TPD52L1: variants seen among roughly 807,000 people sequenced by gnomAD.
The protein encoded by TPD52L1 is TPD52 like 1.
In TPD52L1, 18 loss-of-function variants were observed where a neutral mutation model predicts 28.7. The observed-to-expected ratio is 0.63, with a 90% CI of 0.43 to 0.93. TPD52L1 has a LOEUF of 0.93. Ranked by LOEUF, TPD52L1 falls within the 40% of genes least tolerant of loss-of-function variation. The pLI, the probability that TPD52L1 is intolerant of heterozygous loss-of-function variation, is 0.00. For missense variants in TPD52L1, 203 were observed against 254.8 expected, an observed-to-expected ratio of 0.80 and a Z score of 1.39; for synonymous variants, 75 against 88.8, an observed-to-expected ratio of 0.84 and a Z score of 0.88.
intron 1 of TPD52L1, among the ~76,000 whole-genome samples, chr6:125,179,220 A>G (rs1208653119): frequency 6.6e-6 from 1 of 152,232 alleles, no homozygotes; most frequent in Non-Finnish European, 1.5e-5. Context: ...GAGGATGGAG[A>G]ACTTCAAGAG....
intron 1 of TPD52L1, among the ~76,000 whole-genome samples, chr6:125,170,911 T>G (rs1791258747): frequency 6.6e-6 from 1 of 152,042 alleles, no homozygotes. Context: ...GACTCCAGAA[T>G]CCCCTTTCCA....
At chr6:125,162,486 G>T (rs2114743582) in intron 1 of TPD52L1, among the ~76,000 whole-genome samples, 1 of 152,226 alleles carries the variant, frequency 6.6e-6, no homozygotes, top group African/African-American at 2.4e-5. Flanking sequence ...AAATACTTCA[G>T]CAGATATTGA....
chr6:125,160,604 A>G (rs912405205), intron 1 of TPD52L1, among the ~76,000 whole-genome samples: 1 of 152,246 alleles, frequency 6.6e-6, no homozygotes, highest in Non-Finnish European at 1.5e-5. Context: ...CAGCTACATT[A>G]GCCCCTAACA....
intron 1 of TPD52L1, among the ~76,000 whole-genome samples, chr6:125,215,297 C>A (rs1274620598): frequency 6.6e-6 from 1 of 152,150 alleles, no homozygotes; most frequent in Non-Finnish European, 1.5e-5. Context: ...TCCAACTCCT[C>A]TTTTTAACTA....
At chr6:125,225,953 C>T (rs1461598094) in intron 2 of TPD52L1, among the ~76,000 whole-genome samples, 1 of 152,098 alleles carries the variant, frequency 6.6e-6, no homozygotes, top group Admixed American at 6.6e-5. Context: ...CTAGACCAAA[C>T]GATCGCAGTC....
intron 4 of TPD52L1, chr6:125,253,514 A>G (rs1439698239): frequency 5.3e-6 from 3 of 569,446 alleles, no homozygotes; most frequent in Non-Finnish European, 9.3e-6. Context: ...CGGATCCACC[A>G]TCTACTTTTC....
chr6:125,177,399 A>C (rs1331135086), intron 1 of TPD52L1, among the ~76,000 whole-genome samples: 1 of 152,148 alleles, frequency 6.6e-6, no homozygotes, highest in Non-Finnish European at 1.5e-5. Flanking sequence ...AGCATTTTTA[A>C]TCTTTTTAAT....
intron 1 of TPD52L1, among the ~76,000 whole-genome samples, chr6:125,182,756 C>A (rs1415648744): frequency 1.3e-5 from 2 of 152,168 alleles, no homozygotes; most frequent in Non-Finnish European, 2.9e-5. Flanking sequence ...TCCATTTAAT[C>A]TTTTCCAAAC....
At chr6:125,254,371 G>A (rs1376753936) in intron 5 of TPD52L1, among the ~76,000 whole-genome samples, 1 of 152,198 alleles carries the variant, frequency 6.6e-6, no homozygotes, top group Admixed American at 6.5e-5. Flanking sequence ...AGGAATGAGT[G>A]TTAAATTGAA....
At chr6:125,259,559 T>A (rs1562404243) in intron 6 of TPD52L1, among the ~76,000 whole-genome samples, 1 of 152,226 alleles carries the variant, frequency 6.6e-6, no homozygotes, top group African/African-American at 2.4e-5. Context: ...AACGAACTCC[T>A]GTGAAGCCAC....
At chr6:125,212,054 C>T (rs1211749792) in intron 1 of TPD52L1, among the ~76,000 whole-genome samples, 1 of 151,944 alleles carries the variant, frequency 6.6e-6, no homozygotes, top group Non-Finnish European at 1.5e-5. Context: ...ATGATTAGCT[C>T]AATAATTTTT....
intron 1 of TPD52L1, among the ~76,000 whole-genome samples, chr6:125,177,838 C>G (rs946127564): frequency 1.3e-5 from 2 of 152,224 alleles, no homozygotes; most frequent in Admixed American, 1.3e-4. Flanking sequence ...ATGATATTAA[C>G]TGATATACAC....
chr6:125,172,098 CCCTTT>C (rs1791358551), intron 1 of TPD52L1, among the ~76,000 whole-genome samples: 3 of 77,480 alleles, frequency 3.9e-5, no homozygotes, highest in South Asian at 4.2e-4. Context: ...TTCTTTCTTT[CCCTTT>C]CTTTCTTTCT....
intron 3 of TPD52L1, among the ~76,000 whole-genome samples, chr6:125,247,495 C>A (rs1796991082): frequency 6.6e-6 from 1 of 152,106 alleles, no homozygotes; most frequent in South Asian, 2.1e-4. Context: ...TCCATTCTAT[C>A]CCTGTAATCC....
chr6:125,210,736 C>T (rs1794439222), intron 1 of TPD52L1, among the ~76,000 whole-genome samples: 1 of 152,146 alleles, frequency 6.6e-6, no homozygotes, highest in East Asian at 1.9e-4. Flanking sequence ...AGATTGGGAG[C>T]TAATGTGCTA....
chr6:125,226,979 CAT>C (rs1203274400), intron 2 of TPD52L1, among the ~76,000 whole-genome samples: 2 of 152,154 alleles, frequency 1.3e-5, no homozygotes, highest in African/African-American at 2.4e-5. Flanking sequence ...GGTCCCTAAA[CAT>C]ACTCCTTTTA....
At chr6:125,223,681 C>T (rs1191880706) in intron 2 of TPD52L1, among the ~76,000 whole-genome samples, 6 of 134,882 alleles carry the variant, frequency 4.4e-5, no homozygotes, top group Non-Finnish European at 6.0e-5. Flanking sequence ...TGCACTCCAG[C>T]CTAGGCAACA....
chr6:125,230,719 G>T (rs1795897977), intron 3 of TPD52L1, among the ~76,000 whole-genome samples: 1 of 152,166 alleles, frequency 6.6e-6, no homozygotes, highest in African/African-American at 2.4e-5. Context: ...ATAAGAATGA[G>T]AATGTTTTTC....
intron 2 of TPD52L1, among the ~76,000 whole-genome samples, chr6:125,222,784 C>A (rs911927004): frequency 1.3e-5 from 2 of 152,120 alleles, no homozygotes; most frequent in African/African-American, 4.8e-5. Context: ...CTAAAGGGCA[C>A]CAGAGAAGAC....
Sources: gnomAD v4.1 joint callset for allele counts (sites outside exome capture counted in the v4.1 genomes callset) on GRCh38, gnomAD v4.1.1 for gene constraint, MANE v1.5 for transcripts, NCBI Gene and HGNC (gene_info 2026-07-23, HGNC 2026-07-21) for gene names.